KANSL1L: variants seen among roughly 807,000 people sequenced by gnomAD.
KANSL1L encodes the protein KAT8 regulatory NSL complex subunit 1-like protein.
In KANSL1L, 25 loss-of-function variants were observed where a neutral mutation model predicts 108.6. The ratio of observed to expected loss-of-function variants is 0.23; its 90% CI spans 0.17 to 0.32. The LOEUF (loss-of-function observed/expected upper bound fraction) is 0.32, where lower values mean the gene tolerates loss of function less well. Ranked by LOEUF, KANSL1L falls within the 10% of genes least tolerant of loss-of-function variation. KANSL1L has a pLI of 1.00. For synonymous variants in KANSL1L, 405 were observed against 395.1 expected, an observed-to-expected ratio of 1.03 and a Z score of -0.30; for missense variants, 1,137 against 1,125.7, an observed-to-expected ratio of 1.01 and a Z score of -0.14.
At chr2:210,154,686 A>G in intron 1 of KANSL1L, 75 bp from the exon 2 acceptor site, 2 of 814,638 alleles carry the variant, frequency 2.5e-6, no homozygotes, top group Non-Finnish European at 3.5e-6. Context: ...TAAGGGCAAC[A>G]TGTTCAATGT....
intron 2 of KANSL1L, among the ~76,000 whole-genome samples, chr2:210,129,706 A>T (rs950776338): frequency 1.3e-5 from 2 of 152,200 alleles, no homozygotes; most frequent in Non-Finnish European, 1.5e-5. Context: ...AATTATAAAA[A>T]ATATAAATGC....
At chr2:210,089,101 T>A (rs553002689) in intron 5 of KANSL1L, 1 of 152,580 alleles carries the variant, frequency 6.6e-6, no homozygotes, top group African/African-American at 2.4e-5. Context: ...GACTGATACA[T>A]TTTGGGGAGA....
At chr2:210,160,035 C>CA (rs1559615948) in intron 1 of KANSL1L, among the ~76,000 whole-genome samples, 2 of 151,274 alleles carry the variant, frequency 1.3e-5, no homozygotes, top group Non-Finnish European at 2.9e-5. Flanking sequence ...GACTCCGTCT[C>CA]AAAAAAAAGA....
chr2:210,109,847 C>T (rs1247747686), intron 3 of KANSL1L, among the ~76,000 whole-genome samples: 4 of 151,766 alleles, frequency 2.6e-5, no homozygotes, highest in African/African-American at 9.7e-5. Context: ...AAGCTTCTTT[C>T]TTTTATATTA....
chr2:210,056,319 C>T (rs2094350001), intron 6 of KANSL1L, among the ~76,000 whole-genome samples: 1 of 152,218 alleles, frequency 6.6e-6, no homozygotes, highest in Admixed American at 6.5e-5. Flanking sequence ...CTGCAAATTG[C>T]ACTGTAAAAG....
chr2:210,164,061 T>C (rs2095374544), intron 1 of KANSL1L, among the ~76,000 whole-genome samples: 1 of 152,162 alleles, frequency 6.6e-6, no homozygotes, highest in African/African-American at 2.4e-5. Flanking sequence ...TGGCTACATA[T>C]GTAATTTTAA....
At chr2:210,039,005 G>T (rs536698378) in intron 8 of KANSL1L, among the ~76,000 whole-genome samples, 1 of 151,880 alleles carries the variant, frequency 6.6e-6, no homozygotes, top group Non-Finnish European at 1.5e-5. Flanking sequence ...CAACATGGTA[G>T]GAAATACCAC....
At chr2:210,084,323 G>A (rs2094616865) in intron 5 of KANSL1L, among the ~76,000 whole-genome samples, 1 of 152,056 alleles carries the variant, frequency 6.6e-6, no homozygotes, top group Non-Finnish European at 1.5e-5. Flanking sequence ...TCAGGAGGCT[G>A]AAGCAGGAAA....
At chr2:210,045,805 A>C (rs1248032233) in intron 6 of KANSL1L, among the ~76,000 whole-genome samples, 1 of 152,072 alleles carries the variant, frequency 6.6e-6, no homozygotes, top group Non-Finnish European at 1.5e-5. Context: ...AGTTAGCTCT[A>C]GGTTTTATTA....
intron 6 of KANSL1L, among the ~76,000 whole-genome samples, chr2:210,067,756 T>C (rs1287951746): frequency 1.3e-5 from 2 of 150,630 alleles, no homozygotes; most frequent in Non-Finnish European, 2.9e-5. Flanking sequence ...TGATGTAGTA[T>C]TAATTGCATT....
At chr2:210,117,868 A>C (rs977962272) in intron 3 of KANSL1L, among the ~76,000 whole-genome samples, 6 of 152,204 alleles carry the variant, frequency 3.9e-5, no homozygotes, top group African/African-American at 1.4e-4. Context: ...TATTATAAAA[A>C]AATAGAAAAT....
chr2:210,063,134 T>A (rs542850211), intron 6 of KANSL1L, among the ~76,000 whole-genome samples: 2 of 152,312 alleles, frequency 1.3e-5, no homozygotes, highest in South Asian at 4.1e-4. Context: ...AGGGTCAATG[T>A]AGAGCTCAGG....
chr2:210,102,187 T>C (rs1173175815), intron 4 of KANSL1L, among the ~76,000 whole-genome samples: 1 of 152,190 alleles, frequency 6.6e-6, no homozygotes, highest in East Asian at 1.9e-4. Flanking sequence ...TGTTTAGCCT[T>C]GTAGTATAGT....
chr2:210,038,444 T>C (rs1464727720), intron 8 of KANSL1L, among the ~76,000 whole-genome samples: 11 of 152,078 alleles, frequency 7.2e-5, no homozygotes, highest in African/African-American at 2.4e-5. Flanking sequence ...ATTTTTACTA[T>C]AGTTGTGCCA....
chr2:210,125,908 A>C (rs62201635), intron 3 of KANSL1L, among the ~76,000 whole-genome samples: 30,682 of 152,152 alleles, frequency 0.2, 3,945 homozygotes, highest in Admixed American at 0.35. Flanking sequence ...TTCTCCTCTT[A>C]AGATCAGGAA....
At chr2:210,027,986 A>G (rs895501651) in intron 11 of KANSL1L, among the ~76,000 whole-genome samples, 2 of 152,244 alleles carry the variant, frequency 1.3e-5, no homozygotes, top group Non-Finnish European at 2.9e-5. Flanking sequence ...AGAGATGTAT[A>G]GCAATTGACT....
intron 2 of KANSL1L, among the ~76,000 whole-genome samples, chr2:210,149,625 TA>T (rs1215168273): frequency 6.6e-6 from 1 of 151,998 alleles, no homozygotes; most frequent in African/African-American, 2.4e-5. Context: ...ATTTTAAATT[TA>T]AAAATGTATT....
chr2:210,124,733 C>A (rs1187706165), intron 3 of KANSL1L, among the ~76,000 whole-genome samples: 13 of 151,784 alleles, frequency 8.6e-5, no homozygotes, highest in Admixed American at 8.5e-4. Flanking sequence ...AAAGCATCAA[C>A]AAAATCGACA....
chr2:210,134,195 G>A (rs1315820920), intron 2 of KANSL1L, among the ~76,000 whole-genome samples: 3 of 152,010 alleles, frequency 2.0e-5, no homozygotes, highest in South Asian at 4.1e-4. Flanking sequence ...AGCTGAAGTC[G>A]TTTTACATTT....
Sources: gnomAD v4.1 joint callset for allele counts (sites outside exome capture counted in the v4.1 genomes callset) on GRCh38, gnomAD v4.1.1 for gene constraint, MANE v1.5 for transcripts, NCBI Gene and HGNC (gene_info 2026-07-23, HGNC 2026-07-21) for gene names.